Variants in LARS2 observed in about 807,000 individuals in gnomAD.
LARS2 encodes leucyl-tRNA synthetase 2, mitochondrial, also known as leucine--tRNA ligase, mitochondrial.
Under a neutral mutation model 116.6 loss-of-function variants are expected in LARS2, and 81 were observed. That is an observed-to-expected ratio of 0.69 (90% CI 0.58 to 0.84). The LOEUF (loss-of-function observed/expected upper bound fraction) is 0.84, where lower values mean the gene tolerates loss of function less well. LARS2 is among the 40% of genes least tolerant of loss of function. The pLI, the probability that LARS2 is intolerant of heterozygous loss-of-function variation, is 0.00. For synonymous variants in LARS2, 396 were observed against 407.2 expected (o/e 0.97, Z 0.33); for missense variants, 968 against 1,114.5 (o/e 0.87, Z 1.87).
chr3:45,510,111 T>C (rs1700264943), intron 15 of LARS2, among the ~76,000 whole-genome samples: 1 of 151,862 alleles, frequency 6.6e-6, no homozygotes, highest in Admixed American at 6.6e-5. Context: ...AGACTGAGAG[T>C]GGCCTTTAAG....
chr3:45,518,223 T>C, intron 18 of LARS2, 151 bp downstream of exon 18: 2 of 611,736 alleles, frequency 3.3e-6, no homozygotes, highest in South Asian at 4.1e-5. Flanking sequence ...TTTGATTGAT[T>C]GGCCCTACTG....
At chr3:45,477,515 G>C (rs1472577137) in intron 10 of LARS2, among the ~76,000 whole-genome samples, 1 of 152,202 alleles carries the variant, frequency 6.6e-6, no homozygotes, top group Non-Finnish European at 1.5e-5. Flanking sequence ...AGAGAGGCCA[G>C]GCACCTTCCT....
At chr3:45,531,243 A>G (rs1700609947) in intron 20 of LARS2, among the ~76,000 whole-genome samples, 1 of 152,188 alleles carries the variant, frequency 6.6e-6, no homozygotes, top group African/African-American at 2.4e-5. Context: ...TAGACTGATA[A>G]AAAACTATAA....
intron 12 of LARS2, among the ~76,000 whole-genome samples, chr3:45,489,722 C>T (rs1276268412): frequency 1.3e-5 from 2 of 152,160 alleles, no homozygotes; most frequent in Non-Finnish European, 2.9e-5. Context: ...CTTAACTGCA[C>T]ATTGGAAACA....
chr3:45,467,894 C>G (rs1207023325), intron 8 of LARS2, among the ~76,000 whole-genome samples: 1 of 152,040 alleles, frequency 6.6e-6, no homozygotes, highest in African/African-American at 2.4e-5. Context: ...CAAGACCAGC[C>G]TGGGCAACTG....
chr3:45,496,610 A>G (rs748171194), intron 14 of LARS2, among the ~76,000 whole-genome samples: 2 of 152,262 alleles, frequency 1.3e-5, no homozygotes, highest in Non-Finnish European at 2.9e-5. Context: ...AGCCCACAGC[A>G]CAACTCTGAG....
intron 14 of LARS2, among the ~76,000 whole-genome samples, chr3:45,499,642 T>C (rs1314246227): frequency 6.6e-6 from 1 of 152,110 alleles, no homozygotes; most frequent in Non-Finnish European, 1.5e-5. Context: ...AAAAAAATGT[T>C]TTTTAATGTG....
rs1297794124 is a variant in LARS2 at position 45,494,023 on chromosome 3, A to G, written c.1523+2223A>G. 2.6e-5 allele frequency among the ~76,000 whole-genome samples: 4 copies of G among 152,302 alleles called. No individual in the cohort carries two copies. In the East Asian group the frequency reaches 7.7e-4, roughly 29 times the overall value. On this transcript the variant is annotated intron_variant, in intron 13 of 21. Transcript: ENST00000645846. ...GGTTGATTGCTCTCCAAATAAAAAG[A>G]CCTGGCTTCAATTTAGAGGCGCACT...
intron 20 of LARS2, among the ~76,000 whole-genome samples, chr3:45,527,684 A>G (rs1034618834): frequency 6.6e-6 from 1 of 152,028 alleles, no homozygotes. Flanking sequence ...ATAAAGTTGT[A>G]ATTAGTAAAG....
At chr3:45,482,927 G>A (rs183200726) in intron 10 of LARS2, among the ~76,000 whole-genome samples, 15 of 152,242 alleles carry the variant, frequency 9.9e-5, no homozygotes, top group South Asian at 4.2e-4. Flanking sequence ...CTTGATCTGC[G>A]TTCCAGTGAA....
chr3:45,534,820 G>T (rs1700675399), intron 20 of LARS2, among the ~76,000 whole-genome samples: 4 of 152,140 alleles, frequency 2.6e-5, no homozygotes, highest in Admixed American at 2.6e-4. Flanking sequence ...AACAGACCCA[G>T]CGTCTTGGCA....
In LARS2 at chr3:45,491,631, C is replaced by T. The variant is rs1699917194; in HGVS notation, c.1354C>T (p.Gln452Ter). The stretch of plus-strand genomic sequence containing the variant: ...ACTGAAAGACTGGCTGATTTCACGG[C>T]AGCGGTACTGGGGCACACCAATCCC... ...DKLKDWLISR[Q>*]RYWGTPIPIV... Residue 452 changes from glutamine to a stop codon, truncating the protein, a stop_gained, in exon 13 of 22, where the codon CAG becomes TAG. Coordinates refer to ENST00000645846, the MANE Select transcript of LARS2 (RefSeq NM_015340.4). LOFTEE classifies it high-confidence loss of function. The T allele has an allele frequency of 6.2e-7, 1 of 1,614,228 alleles. No individual in the cohort carries two copies. The highest frequency in any genetic ancestry group is 1.1e-5 in the South Asian group (1 of 91,082).
At chr3:45,415,895 A>AGG (rs1319772806) in intron 4 of LARS2, among the ~76,000 whole-genome samples, 35 of 21,056 alleles carry the variant, frequency 1.7e-3, no homozygotes, top group African/African-American at 7.2e-3. Flanking sequence ...AGAGAGAGGG[A>AGG]GAGAGAGAGA....
At position 45,477,919 on chromosome 3, in the gene LARS2, G is replaced by T. The variant is rs115088027; in HGVS notation, c.1018+1292G>T. On this transcript the variant is annotated intron_variant, in intron 10 of 21. Transcript: ENST00000645846. ...TTTGTTTACTTAGACCATTAAAGCC[G>T]GATTCAAATCAGTGAGCACTTTCTA... 2.3e-3 allele frequency among the ~76,000 whole-genome samples: 345 copies of T among 152,104 alleles called. 3 individuals carry two copies. The highest frequency in any genetic ancestry group is 7.8e-3 in the African/African-American group (323 of 41,478).
intron 8 of LARS2, 117 bp downstream of exon 8, chr3:45,459,003 G>A: frequency 9.9e-7 from 1 of 1,009,910 alleles, no homozygotes; most frequent in Non-Finnish European, 1.5e-6. Context: ...AGGGCTGGGA[G>A]CCATGGATGT....
intron 8 of LARS2, among the ~76,000 whole-genome samples, chr3:45,471,451 A>G (rs1483349681): frequency 6.6e-6 from 1 of 152,268 alleles, no homozygotes; most frequent in Non-Finnish European, 1.5e-5. Flanking sequence ...TGAATCTGTC[A>G]TCCTCATCAA....
At chr3:45,486,836 G>GT (rs1699822757) in intron 11 of LARS2, among the ~76,000 whole-genome samples, 1 of 152,050 alleles carries the variant, frequency 6.6e-6, no homozygotes, top group Admixed American at 6.5e-5. Flanking sequence ...TTTTGGGGGA[G>GT]TTTTTTGTTT....
At chr3:45,521,284 G>A (rs375230886) in intron 19 of LARS2, among the ~76,000 whole-genome samples, 6 of 151,968 alleles carry the variant, frequency 3.9e-5, no homozygotes, top group African/African-American at 9.7e-5. Context: ...CAGCCTGGGC[G>A]ACAAAGCAAG....
intron 7 of LARS2, among the ~76,000 whole-genome samples, chr3:45,451,533 G>A (rs1293282603): frequency 1.3e-5 from 2 of 152,038 alleles, no homozygotes; most frequent in African/African-American, 4.8e-5. Context: ...ATTTATATCT[G>A]GGTTCTCTGT....
Sources: allele counts gnomAD v4.1 joint callset (sites outside exome capture counted in the v4.1 genomes callset), GRCh38; gene constraint gnomAD v4.1.1; transcripts MANE v1.5; gene names NCBI Gene and HGNC (gene_info 2026-07-23, HGNC 2026-07-21).